LSAMP: variants seen among roughly 807,000 people sequenced by gnomAD.
The protein encoded by LSAMP is limbic system associated membrane protein.
In LSAMP, 7 loss-of-function variants were observed where a neutral mutation model predicts 38.6. That is an observed-to-expected ratio of 0.18 (90% CI 0.10 to 0.34). LSAMP has a LOEUF of 0.34. LSAMP is among the 10% of genes least tolerant of loss of function. LSAMP has a pLI of 1.00. For synonymous variants in LSAMP, 154 were observed against 166.8 expected (o/e 0.92, Z 0.59); for missense variants, 313 against 420.0 (o/e 0.75, Z 2.23).
intron 1 of LSAMP, among the ~76,000 whole-genome samples, chr3:116,206,437 T>C (rs1321385107): frequency 6.7e-6 from 1 of 148,276 alleles, no homozygotes; most frequent in African/African-American, 2.5e-5. Flanking sequence ...ATTTCTTGCC[T>C]TCTGCTAGCT....
At chr3:116,404,570 G>A (rs1244719710) in intron 1 of LSAMP, among the ~76,000 whole-genome samples, 1 of 152,112 alleles carries the variant, frequency 6.6e-6, no homozygotes, top group African/African-American at 2.4e-5. Context: ...ATGTAAATAA[G>A]TCGTAAAGTC....
chr3:116,245,118 G>A (rs1471786212), intron 1 of LSAMP, among the ~76,000 whole-genome samples: 3 of 152,074 alleles, frequency 2.0e-5, no homozygotes, highest in African/African-American at 7.2e-5. Flanking sequence ...AGATCATTAG[G>A]GTGGGCCCTA....
intron 3 of LSAMP, among the ~76,000 whole-genome samples, chr3:115,873,606 T>C (rs966293677): frequency 1.5e-4 from 23 of 152,246 alleles, no homozygotes; most frequent in African/African-American, 5.1e-4. Flanking sequence ...ATTAATCCTG[T>C]ATAGTATAAT....
At chr3:116,098,571 AT>A (rs777520641) in intron 1 of LSAMP, among the ~76,000 whole-genome samples, 2 of 152,184 alleles carry the variant, frequency 1.3e-5, no homozygotes, top group African/African-American at 2.4e-5. Flanking sequence ...AATCATAAGA[AT>A]TTTTTTATGA....
chr3:116,061,764 C>T (rs1356350543), intron 2 of LSAMP, among the ~76,000 whole-genome samples: 1 of 152,020 alleles, frequency 6.6e-6, no homozygotes, highest in African/African-American at 2.4e-5. Context: ...GTTATGTTAT[C>T]TTAATTATTT....
intron 1 of LSAMP, among the ~76,000 whole-genome samples, chr3:116,328,459 A>G (rs1253900168): frequency 1.3e-5 from 2 of 152,218 alleles, no homozygotes; most frequent in African/African-American, 4.8e-5. Flanking sequence ...CATACAAAAG[A>G]AACTCAAATT....
At chr3:115,870,374 A>C (rs544317196) in intron 3 of LSAMP, among the ~76,000 whole-genome samples, 1 of 152,282 alleles carries the variant, frequency 6.6e-6, no homozygotes, top group South Asian at 2.1e-4. Context: ...TATATTTCAG[A>C]AGTAACATTC....
At chr3:116,132,838 C>T (rs538861594) in intron 1 of LSAMP, among the ~76,000 whole-genome samples, 1 of 152,304 alleles carries the variant, frequency 6.6e-6, no homozygotes, top group African/African-American at 2.4e-5. Flanking sequence ...TCCCAAAATA[C>T]ATGTGCTTGA....
At chr3:116,038,979 A>T (rs1366545962) in intron 2 of LSAMP, among the ~76,000 whole-genome samples, 1 of 152,202 alleles carries the variant, frequency 6.6e-6, no homozygotes, top group Non-Finnish European at 1.5e-5. Context: ...GGGAGGATAA[A>T]AACAACCTAT....
chr3:115,995,441 T>C (rs144282339), intron 3 of LSAMP, among the ~76,000 whole-genome samples: 1 of 152,092 alleles, frequency 6.6e-6, no homozygotes, highest in South Asian at 2.1e-4. Context: ...CAGGGAATAT[T>C]TGTTGATGAT....
chr3:116,011,126 C>T (rs1326474527), intron 3 of LSAMP, among the ~76,000 whole-genome samples: 1 of 152,076 alleles, frequency 6.6e-6, no homozygotes, highest in Non-Finnish European at 1.5e-5. Flanking sequence ...GCCTCAGCCT[C>T]CTGAGTAGCT....
At chr3:116,112,548 A>C (rs1191717835) in intron 1 of LSAMP, among the ~76,000 whole-genome samples, 1 of 152,208 alleles carries the variant, frequency 6.6e-6, no homozygotes, top group African/African-American at 2.4e-5. Context: ...ATCCCTACTC[A>C]GTCCTTCAGT....
At chr3:116,393,165 C>T (rs2048725728) in intron 1 of LSAMP, among the ~76,000 whole-genome samples, 1 of 152,168 alleles carries the variant, frequency 6.6e-6, no homozygotes, top group Non-Finnish European at 1.5e-5. Flanking sequence ...AGAGCTAAAA[C>T]ATGCCCTTTG....
Position 116,145,959 on chromosome 3 carries a change from T to C in LSAMP, c.156-59403A>G, listed in dbSNP as rs553680925. Among the ~76,000 whole-genome samples, 4 of 152,110 alleles carry C rather than the reference T, an allele frequency of 2.6e-5. No homozygotes were observed. In the South Asian group the frequency reaches 8.3e-4, roughly 32 times the overall value. Reference sequence around the variant, plus strand: ...TCTTTTATATTATAATCACTTAGTATTTATAATCTTTATTGCTACATTGTC... The same window carrying C: ...TCTTTTATATTATAATCACTTAGTACTTATAATCTTTATTGCTACATTGTC... On this transcript the variant is annotated intron_variant, in intron 1 of 6. Coordinates refer to ENST00000490035, the MANE Select transcript of LSAMP (RefSeq NM_002338.5).
intron 1 of LSAMP, among the ~76,000 whole-genome samples, chr3:116,114,584 A>G (rs1381501940): frequency 6.6e-6 from 1 of 152,218 alleles, no homozygotes; most frequent in African/African-American, 2.4e-5. Context: ...GAGATGTAAT[A>G]AAACCAGACA....
chr3:116,118,416 T>C (rs1397906395), intron 1 of LSAMP, among the ~76,000 whole-genome samples: 1 of 152,218 alleles, frequency 6.6e-6, no homozygotes, highest in Non-Finnish European at 1.5e-5. Context: ...CGCTTCAGCA[T>C]TTTCACATCT....
At chr3:116,427,682 C>A (rs1472873999) in intron 1 of LSAMP, among the ~76,000 whole-genome samples, 1 of 152,070 alleles carries the variant, frequency 6.6e-6, no homozygotes, top group South Asian at 2.1e-4. Flanking sequence ...GAGGTAAACC[C>A]TCGGAATGGC....
intron 1 of LSAMP, among the ~76,000 whole-genome samples, chr3:116,326,783 A>T (rs929264546): frequency 6.6e-6 from 1 of 152,154 alleles, no homozygotes; most frequent in African/African-American, 2.4e-5. Flanking sequence ...TCTTCATATG[A>T]ACTTCAAGGT....
intron 1 of LSAMP, among the ~76,000 whole-genome samples, chr3:116,262,715 C>A (rs1237193775): frequency 6.6e-6 from 1 of 152,180 alleles, no homozygotes. Context: ...ATAAATCATT[C>A]AGCATATCTT....
Sources: gnomAD v4.1 joint callset for allele counts (sites outside exome capture counted in the v4.1 genomes callset) on GRCh38, gnomAD v4.1.1 for gene constraint, MANE v1.5 for transcripts, NCBI Gene and HGNC (gene_info 2026-07-23, HGNC 2026-07-21) for gene names.